CTU1: variants seen among roughly 807,000 people sequenced by gnomAD.
CTU1 encodes cytoplasmic tRNA 2-thiolation protein 1.
A neutral mutation model predicts 12.9 loss-of-function variants in CTU1; 15 were observed. That is an observed-to-expected ratio of 1.16 (90% CI 0.78 to 1.79). CTU1 has a LOEUF of 1.79. CTU1 is among the 40% of genes most tolerant of loss of function. The probability of loss-of-function intolerance (pLI) is 0.00; values close to 1 mark genes in which losing one functional copy is unlikely to be tolerated. For missense variants in CTU1, 553 were observed against 550.5 expected (o/e 1.00, Z -0.05); for synonymous variants, 295 against 275.6 (o/e 1.07, Z -0.70).
In CTU1 at chr19:51,104,598, G is replaced by GTCC; in HGVS notation, c.-21-9_-21-8insGGA. 1 of 1,235,124 alleles carries GTCC rather than the reference G, an allele frequency of 8.1e-7. No homozygotes were observed. Among genetic ancestry groups the GTCC allele is most frequent in the Non-Finnish European group, 1.0e-6 (1 of 988,656 alleles). 76.5% of individuals were successfully genotyped at this position (1,235,124 alleles called of 1,614,324 possible). On this transcript the variant is annotated splice_polypyrimidine_tract_variant and intron_variant, in intron 1 of 2. Coordinates refer to ENST00000421832, the MANE Select transcript of CTU1 (RefSeq NM_145232.4). ...GGGAGGGGTCGGCTTCTCCTAGACA[G>GTCC]GGAGAGAGAGGAGGTGGGTTACATA...
chr19:51,104,388 C>T lies in CTU1; in HGVS notation c.182G>A (p.Gly61Asp). 1 of 1,294,856 alleles carries T rather than the reference C, an allele frequency of 7.7e-7. No individual in the cohort carries two copies. The highest frequency in any genetic ancestry group is 1.8e-5 in the South Asian group (1 of 56,710). The allele number at this position is 1,294,856 out of a possible 1,614,324, so 80.2% of individuals were successfully genotyped here. ...GTGCGCCAGCACCGTGGAGTCCTTG[C>T]CGCCCGAGGCGCCCACGGCCACCAC... ...GAVVAVGASG[G>D]KDSTVLAHVL... The change falls in exon 2 of 3, where the codon GGC becomes GAC. Residue 61 changes from glycine (G) to aspartate (D), a missense_variant. Physicochemically the swap from Gly to Asp is moderately conservative, Grantham distance 94. Around this residue, in one of 2 missense-constraint regions of CTU1, gnomAD observed 500 missense variants for 458.5 expected, o/e 1.09. Transcript: ENST00000421832.
In CTU1 at chr19:51,099,027, C is replaced by G; in HGVS notation, c.621G>C (p.Leu207=). 1 of 1,511,434 alleles carries G rather than the reference C, an allele frequency of 6.6e-7. No homozygotes were observed. The highest frequency in any genetic ancestry group is 2.6e-5 in the East Asian group (1 of 38,628). 93.6% of individuals were successfully genotyped at this position (1,511,434 alleles called of 1,614,324 possible). The stretch of plus-strand genomic sequence containing the variant: ...CGAACTGCAGCGGGCGGCAGCGCGG[C>G]AGGGCGCCCCCCTCGCCGGGAGAGC... ...GLGSPGEGGA[L]PRCRPLQFAS... is the part of the protein sequence containing the mutation. Residue 207 remains leucine (L), a synonymous_variant, in exon 3 of 3, where the codon CTG becomes CTC. Transcript: ENST00000421832.
chr19:51,099,014 G>GGCGGCAGC lies in CTU1; in HGVS notation c.626_633dup (p.Pro212AlafsTer100), dbSNP rs1201348775. 6.6e-7 allele frequency: 1 copy of GGCGGCAGC among 1,520,128 alleles called. No individual in the cohort carries two copies. The highest frequency in any genetic ancestry group is 8.8e-7 in the Non-Finnish European group (1 of 1,138,776). The allele number at this position is 1,520,128 out of a possible 1,614,324, so 94.2% of individuals were successfully genotyped here. A position where few individuals can be genotyped will look rare whatever the true frequency, so the allele number is the denominator to read the frequency against. Reference sequence around the variant, plus strand: ...TCCTTCTGCGAGGCGAACTGCAGCGGGCGGCAGCGCGGCAGGGCGCCCCCC... The same window carrying GGCGGCAGC: ...TCCTTCTGCGAGGCGAACTGCAGCGGGCGGCAGCGCGGCAGCGCGGCAGGGCGCCCCCC... On this transcript the variant is annotated frameshift_variant, in exon 3 of 3. Transcript: ENST00000421832. LOFTEE classifies it high-confidence loss of function.
chr19:51,102,129 G>A (rs957187373), intron 2 of CTU1, among the ~76,000 whole-genome samples: 14 of 151,952 alleles, frequency 9.2e-5, no homozygotes, highest in African/African-American at 1.2e-4. Flanking sequence ...TCAGCCTCCC[G>A]TGTAGCTGGG....
chr19:51,104,606 G>A lies in CTU1; in HGVS notation c.-21-16C>T, dbSNP rs1182131984. The A allele has an allele frequency of 2.4e-6, 3 of 1,233,310 alleles. No individual in the cohort carries two copies. The highest frequency in any genetic ancestry group is 1.6e-5 in the African/African-American group (1 of 64,174). 76.4% of individuals were successfully genotyped at this position (1,233,310 alleles called of 1,614,324 possible). ...TCGGCTTCTCCTAGACAGGGAGAGAGAGGAGGTGGGTTACATATGGATTCC... is the reference window on the plus strand; with the variant it reads ...TCGGCTTCTCCTAGACAGGGAGAGAAAGGAGGTGGGTTACATATGGATTCC... On this transcript the variant is annotated splice_polypyrimidine_tract_variant and intron_variant, in intron 1 of 2. Transcript: ENST00000421832.
In CTU1 at chr19:51,099,114, C is replaced by T; in HGVS notation, c.534G>A (p.Glu178=). The stretch of plus-strand genomic sequence containing the variant: ...CCCGTAGGAAGTTCATGAGCACGGT[C>T]TCCGCCATGTCGTCGGCGTTGTGAC... ...VTGHNADDMA[E]TVLMNFLRGD... is the part of the protein sequence containing the mutation. Residue 178 remains glutamate, a synonymous_variant, in exon 3 of 3, where the codon GAG becomes GAA. Coordinates refer to ENST00000421832, the MANE Select transcript of CTU1 (RefSeq NM_145232.4). 6.4e-7 allele frequency: 1 copy of T among 1,567,356 alleles called. No individual in the cohort carries two copies. The highest frequency in any genetic ancestry group is 1.2e-5 in the South Asian group (1 of 86,860).
intron 1 of CTU1, 117 bp from the exon 2 acceptor site, chr19:51,104,707 C>T (rs2122798486): frequency 2.5e-6 from 2 of 799,496 alleles, no homozygotes; most frequent in Non-Finnish European, 3.3e-6. Context: ...GAGACGTGTG[C>T]GCGAGTGGAG....
rs2091897375 is a variant in CTU1, at chr19:51,098,613, G to A, written c.1035C>T (p.Val345=). Residue 345 remains valine (V), a synonymous_variant, in exon 3 of 3, where the codon GTC becomes GTT. Coordinates refer to ENST00000421832, the MANE Select transcript of CTU1 (RefSeq NM_145232.4). The surrounding 1 kb of genome is among the most constrained non-coding windows in gnomAD (Gnocchi z 4.3). ...AGGCCCGAAGTCGCTAGAAGGTGGG[G>A]ACGGCCTTGGAGGCGGGGGGCCGGG... The part of the protein sequence containing the change: ...DPARPPASKA[V]PTF The A allele has an allele frequency of 7.7e-7, 1 of 1,301,962 alleles. No homozygotes were observed. Among genetic ancestry groups the A allele is most frequent in the South Asian group, 2.1e-5 (1 of 47,800 alleles). The allele number at this position is 1,301,962 out of a possible 1,614,324, so 80.7% of individuals were successfully genotyped here. A position where few individuals can be genotyped will look rare whatever the true frequency, so the allele number is the denominator to read the frequency against.
chr19:51,104,247 CGCGCCGCCTG>C lies in CTU1; in HGVS notation c.313_322del (p.Gln105AlafsTer61), dbSNP rs1568604708. The C allele has an allele frequency of 2.6e-6, 4 of 1,509,748 alleles. No individual in the cohort carries two copies. Among genetic ancestry groups the C allele is most frequent in the Non-Finnish European group, 3.5e-6 (4 of 1,135,316 alleles). 93.5% of individuals were successfully genotyped at this position (1,509,748 alleles called of 1,614,324 possible). The stretch of plus-strand genomic sequence containing the variant: ...CACGACCGTGAGCGGCAGCTCCCAG[CGCGCCGCCTG>C]GCGCCGCACGGCCGCCAACGCCGCG... On this transcript the variant is annotated frameshift_variant, in exon 2 of 3. Coordinates refer to ENST00000421832, the MANE Select transcript of CTU1 (RefSeq NM_145232.4). LOFTEE classifies it high-confidence loss of function.
chr19:51,098,382 C>A lies in CTU1; in HGVS notation c.*219G>T. The A allele has an allele frequency of 2.7e-6, 1 of 367,426 alleles. No individual in the cohort carries two copies. Among genetic ancestry groups the A allele is most frequent in the Non-Finnish European group, 4.7e-6 (1 of 214,116 alleles). The allele number at this position is 367,426 out of a possible 1,614,324, so 22.8% of individuals were successfully genotyped here. A position where few individuals can be genotyped will look rare whatever the true frequency, so the allele number is the denominator to read the frequency against. ...CTCAGACCTAGGATGGTCCCCCAGC[C>A]CCCTCCTCCCTCAGAGCCTGAAGCC... On this transcript the variant is annotated 3_prime_UTR_variant, in exon 3 of 3. Coordinates refer to ENST00000421832, the MANE Select transcript of CTU1 (RefSeq NM_145232.4). This position sits in a 1 kb window ranked among gnomAD's most constrained non-coding sequence, Gnocchi z 4.3.
intron 2 of CTU1, among the ~76,000 whole-genome samples, chr19:51,103,171 G>A (rs776218922): frequency 5.3e-5 from 8 of 152,248 alleles, no homozygotes; most frequent in Admixed American, 1.3e-4. Flanking sequence ...AAGTTTATGA[G>A]CTGGGTACCA....
intron 1 of CTU1, among the ~76,000 whole-genome samples, chr19:51,104,821 G>A (rs1273474050): frequency 6.6e-6 from 1 of 152,208 alleles, no homozygotes; most frequent in Admixed American, 6.5e-5. Flanking sequence ...TATGCAAGAA[G>A]AAGAGAAGTA....
At chr19:51,100,032 G>A (rs1423153138) in intron 2 of CTU1, among the ~76,000 whole-genome samples, 2 of 152,050 alleles carry the variant, frequency 1.3e-5, no homozygotes, top group East Asian at 3.9e-4. Context: ...GATGGGGAGG[G>A]GAAGCCTGAG....
chr19:51,102,903 T>C (rs1332979922), intron 2 of CTU1, among the ~76,000 whole-genome samples: 1 of 152,238 alleles, frequency 6.6e-6, no homozygotes, highest in Non-Finnish European at 1.5e-5. Flanking sequence ...CTCCACGTCA[T>C]AGGGTTCTCT....
At chr19:51,102,705 G>C (rs373770217) in intron 2 of CTU1, among the ~76,000 whole-genome samples, 7 of 152,256 alleles carry the variant, frequency 4.6e-5, no homozygotes, top group African/African-American at 1.7e-4. Flanking sequence ...CAGCCTACAG[G>C]GTAAGGCCTG....
chr19:51,101,622 C>T (rs1568604063), intron 2 of CTU1, among the ~76,000 whole-genome samples: 1 of 152,194 alleles, frequency 6.6e-6, no homozygotes, highest in Non-Finnish European at 1.5e-5. Context: ...AAAAAACCTC[C>T]AAGAACTTGG....
intron 2 of CTU1, among the ~76,000 whole-genome samples, 187 bp downstream of exon 2, chr19:51,103,875 C>T (rs2091912752): frequency 6.6e-6 from 1 of 152,216 alleles, no homozygotes; most frequent in East Asian, 1.9e-4. Flanking sequence ...TTTAAAGGGC[C>T]CCAGCCCCAA....
chr19:51,099,009 C>T lies in CTU1; in HGVS notation c.639G>A (p.Leu213=), dbSNP rs1258159904. 1 of 1,518,814 alleles carries T rather than the reference C, an allele frequency of 6.6e-7. No individual in the cohort carries two copies. The highest frequency in any genetic ancestry group is 1.8e-4 in the Middle Eastern group (1 of 5,612). The allele number at this position is 1,518,814 out of a possible 1,614,324, so 94.1% of individuals were successfully genotyped here. A position where few individuals can be genotyped will look rare whatever the true frequency, so the allele number is the denominator to read the frequency against. ...CCACCTCCTTCTGCGAGGCGAACTG[C>T]AGCGGGCGGCAGCGCGGCAGGGCGC... ...EGGALPRCRP[L]QFASQKEVVL... is the part of the protein sequence containing the mutation. The change falls in exon 3 of 3, where the codon CTG becomes CTA. Residue 213 remains leucine, a synonymous_variant. Coordinates refer to ENST00000421832, the MANE Select transcript of CTU1 (RefSeq NM_145232.4).
chr19:51,107,645 G>T (rs1486373942), intron 1 of CTU1, among the ~76,000 whole-genome samples: 2 of 152,178 alleles, frequency 1.3e-5, no homozygotes, highest in South Asian at 2.1e-4. Context: ...AGACTGATTG[G>T]AGTGGGGACT....
Sources: gnomAD v4.1 joint callset for allele counts (sites outside exome capture counted in the v4.1 genomes callset) on GRCh38, gnomAD v4.1.1 for gene constraint, gnomAD v4.1.1 regional missense constraint, Gnocchi (gnomAD v3.1) non-coding constraint, MANE v1.5 for transcripts, NCBI Gene and HGNC (gene_info 2026-07-23, HGNC 2026-07-21) for gene names.